The following PRDM2 variants were observed in gnomAD, a reference collection of about 807,000 sequenced individuals.
PRDM2 encodes PR/SET domain 2.
Under a neutral mutation model 130.0 loss-of-function variants are expected in PRDM2, and 30 were observed. That is an observed-to-expected ratio of 0.23 (90% confidence interval 0.17 to 0.31). The LOEUF (loss-of-function observed/expected upper bound fraction) is 0.31. Among genes scored for constraint, PRDM2 ranks in the 10% least tolerant of loss-of-function variants. The pLI, the probability that PRDM2 is intolerant of heterozygous loss-of-function variation, is 1.00. For synonymous variants in PRDM2, 871 were observed against 782.4 expected, an observed-to-expected ratio of 1.11 and a Z score of -1.89; for missense variants, 2,011 against 2,108.4, an observed-to-expected ratio of 0.95 and a Z score of 0.90.
chr1:13,812,088 C>T lies in PRDM2; in HGVS notation c.5037-4339C>T, dbSNP rs1436128780. On this transcript the variant is annotated intron_variant, in intron 8 of 9. Coordinates refer to ENST00000311066, the MANE Select transcript of PRDM2 (RefSeq NM_001393986.1). ...ACTGGGCAGTGATGTGGTCCAGTGT[C>T]GTGGTCATGTCCGGTGGTCCTTATA... is the stretch of plus-strand genomic sequence containing the variant. 4.6e-5 allele frequency among the ~76,000 whole-genome samples: 7 copies of T among 152,042 alleles called. No individual in the cohort carries two copies. In the East Asian group the frequency reaches 9.7e-4, roughly 21 times the overall value.
At chr1:13,800,915 T>A (rs1297760667) in intron 8 of PRDM2, among the ~76,000 whole-genome samples, 1 of 152,164 alleles carries the variant, frequency 6.6e-6, no homozygotes, top group East Asian at 1.9e-4. Context: ...GAAGTTGGCG[T>A]TAGGCCCGTT....
intron 6 of PRDM2, among the ~76,000 whole-genome samples, chr1:13,751,125 GTTTA>G (rs1289521631): frequency 1.3e-5 from 2 of 151,976 alleles, no homozygotes; most frequent in Non-Finnish European, 2.9e-5. Context: ...TTGTTTATCT[GTTTA>G]TTTTTCTCTT....
chr1:13,787,128 GA>G, intron 8 of PRDM2: 1 of 985,378 alleles, frequency 1.0e-6, no homozygotes, highest in Non-Finnish European at 1.2e-6. Context: ...ATTGGATATG[GA>G]CTCTTTTTTA....
intron 6 of PRDM2, among the ~76,000 whole-genome samples, chr1:13,765,623 C>T (rs142454948): frequency 3.3e-4 from 50 of 152,138 alleles, no homozygotes; most frequent in Middle Eastern, 3.4e-3. Flanking sequence ...GGTGGTACCG[C>T]GCCTGGCTAA....
intron 9 of PRDM2, among the ~76,000 whole-genome samples, chr1:13,821,583 T>G (rs1645352806): frequency 6.6e-6 from 1 of 151,988 alleles, no homozygotes; most frequent in Admixed American, 6.6e-5. Flanking sequence ...CTCCTTAGCC[T>G]CCTGAGTAGC....
chr1:13,780,129 C>T lies in PRDM2; in HGVS notation c.2334C>T (p.His778=). ...LTSKKSKLES[H]SDSPAWSLSG... ...CCAAAAAATCCAAATTAGAAAGTCACAGCGACTCACCAGCATGGAGTTTGT... is the reference window on the plus strand; with the variant it reads ...CCAAAAAATCCAAATTAGAAAGTCATAGCGACTCACCAGCATGGAGTTTGT... Residue 778 remains histidine, a synonymous_variant, in exon 8 of 10, where the codon CAC becomes CAT. Coordinates refer to ENST00000311066, the MANE Select transcript of PRDM2 (RefSeq NM_001393986.1). 2 of 1,611,226 alleles carry T rather than the reference C, an allele frequency of 1.2e-6. No individual in the cohort carries two copies. Among genetic ancestry groups the T allele is most frequent in the African/African-American group, 1.3e-5 (1 of 74,980 alleles).
intron 8 of PRDM2, among the ~76,000 whole-genome samples, chr1:13,792,577 A>G (rs1557663244): frequency 6.6e-6 from 1 of 152,212 alleles, no homozygotes; most frequent in African/African-American, 2.4e-5. Flanking sequence ...TTTCCAGGCT[A>G]TTATTGGACT....
At position 13,773,161 on chromosome 1, in the gene PRDM2, T is replaced by A; in HGVS notation, c.595T>A (p.Ser199Thr). The change falls in exon 7 of 10, where the codon TCT becomes ACT. Residue 199 changes from serine to threonine, a missense_variant. By Grantham distance (58) the Ser-to-Thr change is moderately conservative (BLOSUM62 1). This residue lies in a region of PRDM2 where 1,288 missense variants were observed against 1,237.7 expected (regional missense o/e 1.04). Transcript: ENST00000311066. ...QLKTSEPDFTSANMRDSAEGP... is the reference protein window; with the variant it reads ...QLKTSEPDFTTANMRDSAEGP... ...GAAGACAAGTGAGCCAGATTTCACC[T>A]CTGCAAATATGAGAGATTCTGCAGA... is the stretch of plus-strand genomic sequence containing the variant. The A allele has an allele frequency of 6.4e-7, 1 of 1,568,142 alleles. No individual in the cohort carries two copies. Among genetic ancestry groups the A allele is most frequent in the Non-Finnish European group, 8.6e-7 (1 of 1,161,048 alleles).
chr1:13,810,346 T>C (rs1225400559), intron 8 of PRDM2, among the ~76,000 whole-genome samples: 4 of 152,204 alleles, frequency 2.6e-5, no homozygotes, highest in African/African-American at 9.7e-5. Context: ...TGTATTTGCC[T>C]CAATCTAACA....
At chr1:13,732,082 G>GTGTGCCAGTTCC (rs201885303) in intron 3 of PRDM2, among the ~76,000 whole-genome samples, 2,731 of 152,242 alleles carry the variant, frequency 0.018, 62 homozygotes, top group South Asian at 0.12. Context: ...AAGTGATGCT[G>GTGTGCCAGTTCC]TTGACTGCTG....
intron 9 of PRDM2, 69 bp downstream of exon 9, chr1:13,816,639 G>C: frequency 6.5e-7 from 1 of 1,547,414 alleles, no homozygotes; most frequent in East Asian, 2.3e-5. Context: ...CTTGGGTCTT[G>C]GGTGGGGAGG....
intron 1 of PRDM2, among the ~76,000 whole-genome samples, chr1:13,712,838 C>T (rs1188638266): frequency 6.6e-6 from 1 of 152,210 alleles, no homozygotes; most frequent in Non-Finnish European, 1.5e-5. Context: ...TTACTTTTCA[C>T]ATCTCTTCTA....
chr1:13,701,287 A>AT (rs1413898941), intron 1 of PRDM2, among the ~76,000 whole-genome samples: 1 of 152,132 alleles, frequency 6.6e-6, no homozygotes, highest in Non-Finnish European at 1.5e-5. Context: ...TAGAAGAATC[A>AT]TTTTTACCCC....
intron 8 of PRDM2, chr1:13,783,185 C>A: frequency 1.9e-6 from 1 of 527,520 alleles, no homozygotes; most frequent in Non-Finnish European, 3.7e-6. Context: ...GTCTTATTTT[C>A]CGATCATAGA....
chr1:13,780,606 T>A lies in PRDM2; in HGVS notation c.2811T>A (p.Thr937=). ...LGPGSGFPAP[T]VESTPDVCPS... The stretch of plus-strand genomic sequence containing the variant: ...CGGGCTCTGGTTTCCCTGCCCCTAC[T>A]GTTGAGTCCACACCTGATGTTTGTC... Residue 937 remains threonine (T), a synonymous_variant, in exon 8 of 10, where the codon ACT becomes ACA. Transcript: ENST00000311066. 1 of 1,614,088 alleles carries A rather than the reference T, an allele frequency of 6.2e-7. No homozygotes were observed. Among genetic ancestry groups the A allele is most frequent in the Non-Finnish European group, 8.5e-7 (1 of 1,179,998 alleles).
chr1:13,753,395 G>A (rs1306991307), intron 6 of PRDM2, among the ~76,000 whole-genome samples: 3 of 152,212 alleles, frequency 2.0e-5, no homozygotes, highest in African/African-American at 7.2e-5. Flanking sequence ...TTATCTCAGC[G>A]ACTCTTAGTC....
intron 6 of PRDM2, among the ~76,000 whole-genome samples, chr1:13,756,016 C>T (rs1241799669): frequency 6.6e-6 from 1 of 151,270 alleles, no homozygotes; most frequent in African/African-American, 2.4e-5. Context: ...CTTTGGGAGG[C>T]TGAGGCGGGT....
chr1:13,720,061 A>C (rs550932781), intron 2 of PRDM2, among the ~76,000 whole-genome samples: 2 of 152,324 alleles, frequency 1.3e-5, no homozygotes, highest in Admixed American at 1.3e-4. Context: ...AGTTTTGATC[A>C]AGTCAATATT....
Position 13,778,896 on chromosome 1 carries a change from G to A in PRDM2, c.1101G>A (p.Arg367=), listed in dbSNP as rs552290651. Residue 367 remains arginine (R), a synonymous_variant, in exon 8 of 10, where the codon AGG becomes AGA. Coordinates refer to ENST00000311066, the MANE Select transcript of PRDM2 (RefSeq NM_001393986.1). ...TFMFPCQHCE[R]KFTTKQGLER... ...TGTTTCCGTGTCAACATTGTGAAAG[G>A]AAGTTTACAACCAAACAGGGGCTTG... 1 of 1,614,186 alleles carries A rather than the reference G, an allele frequency of 6.2e-7. No homozygotes were observed. The highest frequency in any genetic ancestry group is 1.3e-5 in the African/African-American group (1 of 75,046).
Sources: gnomAD v4.1 joint callset for allele counts (sites outside exome capture counted in the v4.1 genomes callset) on GRCh38, gnomAD v4.1.1 for gene constraint, gnomAD v4.1.1 regional missense constraint, MANE v1.5 for transcripts, NCBI Gene and HGNC (gene_info 2026-07-23, HGNC 2026-07-21) for gene names.